The following PRKN variants were observed in gnomAD, a reference collection of about 807,000 sequenced individuals.
PRKN encodes E3 ubiquitin-protein ligase parkin.
In PRKN, 56 loss-of-function variants were observed where a neutral mutation model predicts 59.5. The observed-to-expected ratio is 0.94, with a 90% CI of 0.76 to 1.18. The LOEUF (loss-of-function observed/expected upper bound fraction) is 1.18. PRKN is among the 50% of genes most tolerant of loss of function. The probability of loss-of-function intolerance (pLI) is 0.00; values close to 1 mark genes in which losing one functional copy is unlikely to be tolerated. For missense variants in PRKN, 657 were observed against 596.4 expected, an observed-to-expected ratio of 1.10 and a Z score of -1.06; for synonymous variants, 250 against 222.1, an observed-to-expected ratio of 1.13 and a Z score of -1.12.
chr6:161,411,103 T>A (rs1787519503), intron 9 of PRKN, among the ~76,000 whole-genome samples: 1 of 152,158 alleles, frequency 6.6e-6, no homozygotes, highest in Non-Finnish European at 1.5e-5. Context: ...CTAGTTTCAC[T>A]GTGAGGCAGG....
At chr6:161,918,032 C>T (rs975887986) in intron 6 of PRKN, among the ~76,000 whole-genome samples, 3 of 152,146 alleles carry the variant, frequency 2.0e-5, no homozygotes, top group African/African-American at 7.2e-5. Context: ...TGGAAACAGG[C>T]GACTGTTTTT....
intron 7 of PRKN, among the ~76,000 whole-genome samples, chr6:161,626,021 C>T (rs1192975953): frequency 1.3e-5 from 2 of 152,184 alleles, no homozygotes; most frequent in Non-Finnish European, 2.9e-5. Context: ...ATCTGTACAT[C>T]ATCTGATCTA....
chr6:162,558,644 T>G (rs1051890102), intron 1 of PRKN, among the ~76,000 whole-genome samples: 1 of 151,374 alleles, frequency 6.6e-6, no homozygotes, highest in African/African-American at 2.4e-5. Context: ...CTACTTTTTT[T>G]TTTTTAATTT....
intron 4 of PRKN, among the ~76,000 whole-genome samples, chr6:162,127,054 T>A (rs1420945114): frequency 6.6e-6 from 1 of 152,244 alleles, no homozygotes; most frequent in Non-Finnish European, 1.5e-5. Context: ...CTCCCAGTTC[T>A]TTTCCTTTTT....
intron 4 of PRKN, among the ~76,000 whole-genome samples, chr6:162,101,105 C>T (rs1779952497): frequency 6.6e-6 from 1 of 152,000 alleles, no homozygotes; most frequent in South Asian, 2.1e-4. Flanking sequence ...ACCTATTTTC[C>T]CTTTTGTTGC....
At chr6:161,674,614 T>G (rs569809557) in intron 7 of PRKN, among the ~76,000 whole-genome samples, 17 of 152,336 alleles carry the variant, frequency 1.1e-4, no homozygotes, top group African/African-American at 4.1e-4. Flanking sequence ...TTCATGGATA[T>G]TACATGCGTA....
chr6:162,638,448 G>A (rs759172473), intron 1 of PRKN, among the ~76,000 whole-genome samples: 4 of 152,096 alleles, frequency 2.6e-5, no homozygotes, highest in African/African-American at 9.7e-5. Context: ...GAACACAAAG[G>A]ATTTGCCAAA....
intron 4 of PRKN, among the ~76,000 whole-genome samples, chr6:162,192,198 C>T (rs1484505200): frequency 6.6e-6 from 1 of 152,038 alleles, no homozygotes; most frequent in Admixed American, 6.6e-5. Context: ...TTGTAGATCA[C>T]TTAACCAATT....
intron 6 of PRKN, among the ~76,000 whole-genome samples, chr6:161,949,055 C>T (rs1779886875): frequency 6.6e-6 from 1 of 152,186 alleles, no homozygotes; most frequent in Non-Finnish European, 1.5e-5. Flanking sequence ...GCCTGATCAA[C>T]ACGTGGGCTC....
chr6:162,056,232 C>T lies in PRKN; in HGVS notation c.535-2058G>A, dbSNP rs78129045. 0.13 allele frequency among the ~76,000 whole-genome samples: 19,331 copies of T among 150,696 alleles called. 1,740 individuals are homozygous for T. Among genetic ancestry groups the T allele is most frequent in the African/African-American group, 0.26 (10,735 of 40,968 alleles). On this transcript the variant is annotated intron_variant, in intron 4 of 11. Transcript: ENST00000366898. This position sits in a 1 kb window ranked among gnomAD's most constrained non-coding sequence, Gnocchi z 4.9. ...ACATGTATCCCTCACACCCCACACG[C>T]CTAACACACCCCACACACATACATC...
intron 2 of PRKN, among the ~76,000 whole-genome samples, chr6:162,300,154 T>C (rs1172510172): frequency 6.6e-6 from 1 of 152,158 alleles, no homozygotes; most frequent in South Asian, 2.1e-4. Context: ...ACATACACAA[T>C]TACTTCATAA....
Position 161,625,057 on chromosome 6 carries a change from T to C in PRKN, c.872-55641A>G, listed in dbSNP as rs117337999. Among the ~76,000 whole-genome samples, 28 of 152,312 alleles carry C rather than the reference T, an allele frequency of 1.8e-4. No individual in the cohort carries two copies. In the East Asian group the frequency reaches 2.5e-3, roughly 14 times the overall value. ...TAGAAATGTCTTTTTCCAGGAAAAG[T>C]CCTATGCCCTTTTTAAAGTAGATGA... On this transcript the variant is annotated intron_variant, in intron 7 of 11. Transcript: ENST00000366898.
chr6:161,381,969 G>A (rs577074817), intron 10 of PRKN, among the ~76,000 whole-genome samples: 9 of 151,974 alleles, frequency 5.9e-5, no homozygotes, highest in South Asian at 2.1e-4. Flanking sequence ...AAAATTAGCC[G>A]GGTGCAGTAG....
In PRKN at chr6:161,487,152, C is replaced by T. The variant is rs1390208955; in HGVS notation, c.1083+61702G>A. ...GAACCATTGCCTGATAAACACTGTG[C>T]CCAGGACTGTATATGGATCATGTTT... On this transcript the variant is annotated intron_variant, in intron 9 of 11. Transcript: ENST00000366898. The surrounding 1 kb of genome is among the most constrained non-coding windows in gnomAD (Gnocchi z 5.3). Among the ~76,000 whole-genome samples, 1 of 152,168 alleles carries T rather than the reference C, an allele frequency of 6.6e-6. No individual in the cohort carries two copies. The highest frequency in any genetic ancestry group is 1.5e-5 in the Non-Finnish European group (1 of 68,036).
chr6:161,678,216 CTTTTTT>C (rs3066554), intron 7 of PRKN, among the ~76,000 whole-genome samples: 15 of 64,940 alleles, frequency 2.3e-4, no homozygotes, highest in African/African-American at 1.0e-3. Flanking sequence ...TACTGAATCA[CTTTTTT>C]TTTTTTTTTT....
At chr6:161,820,618 T>C (rs752035287) in intron 6 of PRKN, among the ~76,000 whole-genome samples, 194 of 147,816 alleles carry the variant, frequency 1.3e-3, no homozygotes, top group Non-Finnish European at 2.2e-3. Context: ...TAATATACAG[T>C]ATACAATATG....
intron 5 of PRKN, among the ~76,000 whole-genome samples, chr6:162,026,828 G>A (rs1309427080): frequency 1.3e-5 from 2 of 152,088 alleles, no homozygotes; most frequent in South Asian, 4.2e-4. Context: ...TGGCAATCAG[G>A]ATTAAGTTGC....
rs567090801 is a variant in PRKN, at chr6:161,818,208, T to G, written c.735-32300A>C. On this transcript the variant is annotated intron_variant, in intron 6 of 11. Transcript: ENST00000366898. ...GTCAGATTTACCAAAGACACATAGG[T>G]GGAAACTCAAAGACCAGTTTTTGGT... 7.4e-4 allele frequency among the ~76,000 whole-genome samples: 113 copies of G among 152,188 alleles called. 1 individual carries two copies. Among genetic ancestry groups the G allele is most frequent in the African/African-American group, 2.6e-3 (110 of 41,512 alleles).
intron 6 of PRKN, among the ~76,000 whole-genome samples, chr6:161,955,008 A>G (rs1780118267): frequency 1.3e-5 from 2 of 152,174 alleles, no homozygotes; most frequent in Admixed American, 1.3e-4. Context: ...ATTTCTCTTC[A>G]GACCATGAAA....
Sources: gnomAD v4.1 joint callset for allele counts (sites outside exome capture counted in the v4.1 genomes callset) on GRCh38, gnomAD v4.1.1 for gene constraint, Gnocchi (gnomAD v3.1) non-coding constraint, MANE v1.5 for transcripts, NCBI Gene and HGNC (gene_info 2026-07-23, HGNC 2026-07-21) for gene names.